Variants in DNAJC2 observed in about 807,000 individuals in gnomAD.
The protein encoded by DNAJC2 is dnaJ homolog subfamily C member 2.
In DNAJC2, 32 loss-of-function variants were observed where a neutral mutation model predicts 94.0. That is an observed-to-expected ratio of 0.34 (90% CI 0.26 to 0.46). DNAJC2 has a LOEUF of 0.46. Ranked by LOEUF, DNAJC2 falls within the 20% of genes least tolerant of loss-of-function variation. The pLI, the probability that DNAJC2 is intolerant of heterozygous loss-of-function variation, is 1.00. For missense variants in DNAJC2, 550 were observed against 719.5 expected, an observed-to-expected ratio of 0.76 and a Z score of 2.69; for synonymous variants, 210 against 229.7, an observed-to-expected ratio of 0.91 and a Z score of 0.77.
chr7:103,342,999 A>G (rs938491456), intron 1 of DNAJC2, among the ~76,000 whole-genome samples: 1 of 151,416 alleles, frequency 6.6e-6, no homozygotes, highest in Non-Finnish European at 1.5e-5. Flanking sequence ...AACAACTCAA[A>G]CTATCTTTTT....
intron 3 of DNAJC2, chr7:103,337,436 T>C (rs899794267): frequency 5.6e-5 from 14 of 251,368 alleles, no homozygotes; most frequent in Non-Finnish European, 9.8e-5. Context: ...GCTATACTTC[T>C]AAAGAGAGGT....
chr7:103,325,134 C>G (rs1043526840), intron 5 of DNAJC2, among the ~76,000 whole-genome samples: 1 of 152,092 alleles, frequency 6.6e-6, no homozygotes. Context: ...TACTTTTTAC[C>G]ACCTCAGCAC....
At chr7:103,312,875 CATAAAAT>C in intron 16 of DNAJC2, 65 bp downstream of exon 16, 1 of 1,554,308 alleles carries the variant, frequency 6.4e-7, no homozygotes, top group Non-Finnish European at 8.6e-7. Flanking sequence ...ACTTAATAGA[CATAAAAT>C]ATGAGCTATA....
In DNAJC2 at chr7:103,342,610, A is replaced by AT. The variant is rs1216827265; in HGVS notation, c.65-657dup. 6.2e-3 allele frequency among the ~76,000 whole-genome samples: 841 copies of AT among 136,344 alleles called. 1 individual carries two copies. Among genetic ancestry groups the AT allele is most frequent in the East Asian group, 0.011 (51 of 4,740 alleles). 89.4% of individuals were successfully genotyped at this position (136,344 alleles called of 152,430 possible). On this transcript the variant is annotated intron_variant, in intron 1 of 16. Coordinates refer to ENST00000379263, the MANE Select transcript of DNAJC2 (RefSeq NM_014377.3). The stretch of plus-strand genomic sequence containing the variant: ...GTGAGCCACTGCACCCACCTGGACA[A>AT]TTTTTTTTTTTTTTTTGGGACGGAG...
Position 103,312,459 on chromosome 7 carries a change from A to T in DNAJC2, c.*110T>A. On this transcript the variant is annotated 3_prime_UTR_variant, in exon 17 of 17. Transcript: ENST00000379263. ...GTCAGTCTTTGTTCTCTGAGAAATT[A>T]TGTTGGAAGCAGCATACTTTCAAAT... 6.5e-7 allele frequency: 1 copy of T among 1,533,306 alleles called. No individual in the cohort carries two copies. The highest frequency in any genetic ancestry group is 8.7e-7 in the Non-Finnish European group (1 of 1,148,528). The allele number at this position is 1,533,306 out of a possible 1,614,324, so 95.0% of individuals were successfully genotyped here.
intron 10 of DNAJC2, 127 bp downstream of exon 10, chr7:103,321,805 G>T (rs1481660674): frequency 9.8e-7 from 1 of 1,017,276 alleles, no homozygotes; most frequent in Non-Finnish European, 1.4e-6. Flanking sequence ...CTGAGATCGC[G>T]CCACTGCACT....
chr7:103,319,737 A>G lies in DNAJC2; in HGVS notation c.1172+19T>C. ...CCTAAGCTCAAGTGAAGACTTCAAT[A>G]GCAGTTCCATAGGTATACCTTGCCA... On this transcript the variant is annotated intron_variant, in intron 11 of 16. Coordinates refer to ENST00000379263, the MANE Select transcript of DNAJC2 (RefSeq NM_014377.3). 1 of 1,614,202 alleles carries G rather than the reference A, an allele frequency of 6.2e-7. No homozygotes were observed. The highest frequency in any genetic ancestry group is 8.5e-7 in the Non-Finnish European group (1 of 1,180,012).
At chr7:103,313,171 A>G (rs1018685407) in intron 15 of DNAJC2, 70 bp from the exon 16 acceptor site, 2 of 1,511,796 alleles carry the variant, frequency 1.3e-6, no homozygotes, top group Non-Finnish European at 1.8e-6. Flanking sequence ...GTGGTCCACA[A>G]GTATTCGCTA....
chr7:103,336,162 T>A (rs1350177298), intron 3 of DNAJC2: 1 of 152,142 alleles, frequency 6.6e-6, no homozygotes, highest in African/African-American at 2.4e-5. Context: ...TACGAAATTC[T>A]GTCTCAAAAA....
rs1818806990 is a variant in DNAJC2, at chr7:103,328,178, T to C, written c.332-424A>G. 4.6e-5 allele frequency among the ~76,000 whole-genome samples: 7 copies of C among 151,326 alleles called. No homozygotes were observed. In the South Asian group the frequency reaches 1.3e-3, roughly 27 times the overall value. The stretch of plus-strand genomic sequence containing the variant: ...CTCAGGTGATCCACCCGCCTCGGCC[T>C]CCGAAAGTGCTGGGATTACAGGTGT... On this transcript the variant is annotated intron_variant, in intron 3 of 16. Coordinates refer to ENST00000379263, the MANE Select transcript of DNAJC2 (RefSeq NM_014377.3).
intron 5 of DNAJC2, 59 bp from the exon 6 acceptor site, chr7:103,324,621 C>T (rs1264419309): frequency 1.2e-5 from 16 of 1,281,442 alleles, no homozygotes; most frequent in Admixed American, 3.0e-5. Context: ...AACAGTTCAA[C>T]AAACAATTTA....
rs1817797677 is a variant in DNAJC2, at chr7:103,312,440, C to CTT, written c.*127_*128dup. ...AGGTTGTTTTGTATTAATGGTCAGT[C>CTT]TTTGTTCTCTGAGAAATTATGTTGG... On this transcript the variant is annotated 3_prime_UTR_variant, in exon 17 of 17. Coordinates refer to ENST00000379263, the MANE Select transcript of DNAJC2 (RefSeq NM_014377.3). 2 of 1,517,656 alleles carry CTT rather than the reference C, an allele frequency of 1.3e-6. No homozygotes were observed. Among genetic ancestry groups the CTT allele is most frequent in the Admixed American group, 2.2e-5 (1 of 46,182 alleles). 94.0% of individuals were successfully genotyped at this position (1,517,656 alleles called of 1,614,324 possible). A position where few individuals can be genotyped will look rare whatever the true frequency, so the allele number is the denominator to read the frequency against.
chr7:103,315,147 C>A (rs909882582), intron 15 of DNAJC2, among the ~76,000 whole-genome samples: 1 of 146,754 alleles, frequency 6.8e-6, no homozygotes, highest in Non-Finnish European at 1.5e-5. Context: ...TCACAACACC[C>A]AAGATAATAT....
chr7:103,329,899 C>G (rs974170665), intron 3 of DNAJC2, among the ~76,000 whole-genome samples: 5 of 152,216 alleles, frequency 3.3e-5, no homozygotes, highest in African/African-American at 1.2e-4. Context: ...TTCCTTCTTT[C>G]CAATAGTTGT....
chr7:103,313,300 A>G (rs568968973), intron 15 of DNAJC2, 199 bp from the exon 16 acceptor site: 2 of 1,325,866 alleles, frequency 1.5e-6, no homozygotes, highest in African/African-American at 3.0e-5. Context: ...CATCCCAGAA[A>G]ATAAAATCTC....
intron 15 of DNAJC2, among the ~76,000 whole-genome samples, chr7:103,315,393 C>T (rs1817992545): frequency 3.3e-5 from 5 of 152,074 alleles, no homozygotes; most frequent in Admixed American, 3.3e-4. Flanking sequence ...TTCCTTAACA[C>T]TTCTGTGTTT....
chr7:103,316,633 T>C (rs955293511), intron 13 of DNAJC2, 197 bp downstream of exon 13: 2 of 562,154 alleles, frequency 3.6e-6, no homozygotes, highest in Admixed American at 6.7e-5. Flanking sequence ...TTCTGTCATA[T>C]GTATATGTGC....
intron 5 of DNAJC2, among the ~76,000 whole-genome samples, chr7:103,324,910 TAGTC>T (rs747557189): frequency 9.2e-5 from 14 of 152,158 alleles, no homozygotes; most frequent in African/African-American, 2.2e-4. Context: ...TGTCCCTAAA[TAGTC>T]AGCACAACAA....
chr7:103,341,710 TTGTCTA>T, intron 2 of DNAJC2, 48 bp downstream of exon 2: 4 of 1,378,906 alleles, frequency 2.9e-6, no homozygotes, highest in Non-Finnish European at 3.9e-6. Flanking sequence ...CATAAGAAAA[TTGTCTA>T]TGTCTAACAA....
Sources: allele counts gnomAD v4.1 joint callset (sites outside exome capture counted in the v4.1 genomes callset), GRCh38; gene constraint gnomAD v4.1.1; transcripts MANE v1.5; gene names NCBI Gene and HGNC (gene_info 2026-07-23, HGNC 2026-07-21).